ZMAT4: variants seen among roughly 807,000 people sequenced by gnomAD.
ZMAT4 encodes the protein zinc finger matrin-type protein 4.
In ZMAT4, 17 loss-of-function variants were observed where a neutral mutation model predicts 28.7. The ratio of observed to expected loss-of-function variants is 0.59; its 90% CI spans 0.41 to 0.89. The LOEUF is 0.89. Among genes scored for constraint, ZMAT4 ranks in the 40% least tolerant of loss-of-function variants. The probability of loss-of-function intolerance (pLI) is 0.00; values close to 1 mark genes in which losing one functional copy is unlikely to be tolerated. For missense variants in ZMAT4, 240 were observed against 283.8 expected, an observed-to-expected ratio of 0.85 and a Z score of 1.11; for synonymous variants, 117 against 109.2, an observed-to-expected ratio of 1.07 and a Z score of -0.44.
chr8:40,734,688 A>G (rs1200365450), intron 3 of ZMAT4, among the ~76,000 whole-genome samples: 2 of 152,186 alleles, frequency 1.3e-5, no homozygotes, highest in East Asian at 1.9e-4. Flanking sequence ...ATGAATGTCA[A>G]AGGGAAAGTA....
intron 6 of ZMAT4, among the ~76,000 whole-genome samples, chr8:40,559,967 G>A (rs1035297261): frequency 2.0e-4 from 30 of 151,942 alleles, no homozygotes; most frequent in Admixed American, 2.0e-4. Context: ...GGCAGAAACC[G>A]CAGAGGAGAT....
intron 5 of ZMAT4, among the ~76,000 whole-genome samples, chr8:40,639,913 T>G (rs571356752): frequency 6.6e-6 from 1 of 152,072 alleles, no homozygotes; most frequent in Non-Finnish European, 1.5e-5. Flanking sequence ...CCCAAATAAC[T>G]CCCTTGTCTG....
intron 1 of ZMAT4, among the ~76,000 whole-genome samples, chr8:40,840,180 C>T (rs945038016): frequency 1.3e-5 from 2 of 152,188 alleles, no homozygotes; most frequent in African/African-American, 4.8e-5. Context: ...CTTCAGCAGC[C>T]TGTCCCTTCA....
Position 40,539,898 on chromosome 8 carries a change from G to T in ZMAT4, c.675-7660C>A, listed in dbSNP as rs114326989. Among the ~76,000 whole-genome samples the T allele has an allele frequency of 5.9e-3, 894 of 152,336 alleles. 14 individuals are homozygous for T. The highest frequency in any genetic ancestry group is 0.021 in the African/African-American group (864 of 41,586). On this transcript the variant is annotated intron_variant, in intron 6 of 6. Transcript: ENST00000297737. ...GTGACTCATAGTGAGTCCCTAGATA[G>T]ATTCAGGATGAAGTCTGGCCATGCT...
Position 40,809,340 on chromosome 8 carries a change from T to C in ZMAT4, c.102+16235A>G, listed in dbSNP as rs112638941. 9.2e-3 allele frequency among the ~76,000 whole-genome samples: 1,395 copies of C among 152,128 alleles called. 23 individuals carry two copies. Among genetic ancestry groups the C allele is most frequent in the African/African-American group, 0.032 (1,346 of 41,486 alleles). On this transcript the variant is annotated intron_variant, in intron 2 of 6. Coordinates refer to ENST00000297737, the MANE Select transcript of ZMAT4 (RefSeq NM_024645.3). ...GACTACTGGAGAAGGAGGGAGAGGGTCATGGGTTGAAAACCTACCTGTTGG... is the reference window on the plus strand; with the variant it reads ...GACTACTGGAGAAGGAGGGAGAGGGCCATGGGTTGAAAACCTACCTGTTGG...
intron 5 of ZMAT4, among the ~76,000 whole-genome samples, chr8:40,666,711 CA>C (rs935799686): frequency 7.2e-5 from 11 of 152,048 alleles, no homozygotes; most frequent in Admixed American, 5.9e-4. Flanking sequence ...AACTACAATA[CA>C]ATGTATACTA....
intron 5 of ZMAT4, among the ~76,000 whole-genome samples, chr8:40,622,309 A>G (rs10429444): frequency 0.077 from 11,677 of 152,284 alleles, 610 homozygotes; most frequent in Admixed American, 0.16. Flanking sequence ...GTGGCTTGTG[A>G]CTTAATGATA....
At chr8:40,807,122 G>A (rs1414216094) in intron 2 of ZMAT4, among the ~76,000 whole-genome samples, 4 of 135,148 alleles carry the variant, frequency 3.0e-5, no homozygotes, top group African/African-American at 1.1e-4. Context: ...GGCAGGGGGA[G>A]GTAGTGGGGT....
intron 1 of ZMAT4, among the ~76,000 whole-genome samples, chr8:40,845,776 T>TAA (rs71224858): frequency 0.061 from 7,868 of 128,916 alleles, 461 homozygotes; most frequent in East Asian, 0.18. Context: ...ACTTAGTAGT[T>TAA]AAAAAAAAAA....
At chr8:40,584,557 C>T (rs1237220816) in intron 5 of ZMAT4, among the ~76,000 whole-genome samples, 1 of 152,122 alleles carries the variant, frequency 6.6e-6, no homozygotes, top group Non-Finnish European at 1.5e-5. Flanking sequence ...GAAACTTGCC[C>T]TAGTTTCTAT....
intron 1 of ZMAT4, among the ~76,000 whole-genome samples, chr8:40,865,828 C>A (rs1817660808): frequency 6.6e-6 from 1 of 152,100 alleles, no homozygotes; most frequent in Non-Finnish European, 1.5e-5. Context: ...ATTCTTTCTT[C>A]CCCCCGCCAT....
At chr8:40,583,193 G>A (rs552686830) in intron 5 of ZMAT4, among the ~76,000 whole-genome samples, 16 of 152,298 alleles carry the variant, frequency 1.1e-4, no homozygotes, top group African/African-American at 3.8e-4. Flanking sequence ...TGCTTGGGAA[G>A]TGGTAGATTG....
At chr8:40,725,654 C>T (rs536157890) in intron 3 of ZMAT4, among the ~76,000 whole-genome samples, 1 of 152,228 alleles carries the variant, frequency 6.6e-6, no homozygotes, top group South Asian at 2.1e-4. Flanking sequence ...CCTTTAAAGT[C>T]ATGATTTCCA....
At chr8:40,865,021 C>A (rs1817627922) in intron 1 of ZMAT4, among the ~76,000 whole-genome samples, 1 of 152,126 alleles carries the variant, frequency 6.6e-6, no homozygotes, top group Non-Finnish European at 1.5e-5. Flanking sequence ...GAATTTTACT[C>A]AATGAATTCT....
At chr8:40,893,689 G>A (rs1209941318) in intron 1 of ZMAT4, among the ~76,000 whole-genome samples, 2 of 152,136 alleles carry the variant, frequency 1.3e-5, no homozygotes, top group South Asian at 2.1e-4. Flanking sequence ...TTTACGTCCG[G>A]GGGTACATGT....
intron 5 of ZMAT4, among the ~76,000 whole-genome samples, chr8:40,662,039 C>A (rs1469604558): frequency 1.3e-5 from 2 of 152,128 alleles, no homozygotes; most frequent in Non-Finnish European, 2.9e-5. Context: ...TGCAGTGGTG[C>A]AGTCATGACT....
intron 5 of ZMAT4, among the ~76,000 whole-genome samples, chr8:40,644,160 T>C (rs1210404155): frequency 6.6e-6 from 1 of 152,086 alleles, no homozygotes; most frequent in Non-Finnish European, 1.5e-5. Flanking sequence ...AAGGTATAGA[T>C]GCCATTTTAA....
chr8:40,568,102 T>G (rs1224533684), intron 6 of ZMAT4, among the ~76,000 whole-genome samples: 1 of 151,964 alleles, frequency 6.6e-6, no homozygotes, highest in East Asian at 1.9e-4. Context: ...TCCAGGAAAA[T>G]AGTTTCATTT....
chr8:40,540,290 G>A (rs900883064), intron 6 of ZMAT4, among the ~76,000 whole-genome samples: 1 of 152,140 alleles, frequency 6.6e-6, no homozygotes, highest in Non-Finnish European at 1.5e-5. Context: ...CACCAGCAGG[G>A]ACTCTGGCTT....
Sources: allele counts gnomAD v4.1 joint callset (sites outside exome capture counted in the v4.1 genomes callset), GRCh38; gene constraint gnomAD v4.1.1; transcripts MANE v1.5; gene names NCBI Gene and HGNC (gene_info 2026-07-23, HGNC 2026-07-21).